The following SERPINA12 variants were observed in gnomAD, a reference collection of about 807,000 sequenced individuals.
SERPINA12 encodes serpin A12.
In SERPINA12, 21 loss-of-function variants were observed where a neutral mutation model predicts 25.9. The observed-to-expected ratio is 0.81, with a 90% confidence interval of 0.58 to 1.17. The LOEUF (loss-of-function observed/expected upper bound fraction) is 1.17. Among genes scored for constraint, SERPINA12 ranks in the 50% most tolerant of loss-of-function variants. SERPINA12 has a pLI of 0.00. For synonymous variants in SERPINA12, 220 were observed against 196.0 expected (o/e 1.12, Z -1.02); for missense variants, 562 against 508.3 (o/e 1.11, Z -1.02).
chr14:94,508,424 A>G lies in SERPINA12; in HGVS notation c.-34+918T>C, dbSNP rs1477929764. Among the ~76,000 whole-genome samples the G allele has an allele frequency of 2.0e-5, 3 of 152,230 alleles. No individual in the cohort carries two copies. The East Asian group carries it at 5.8e-4, about 29-fold the overall frequency. ...AGAAAATTTTTTTTTAATGGGAAGCATTCTGTAAATAGTAAAAAATTCAAG... is the reference window on the plus strand; with the variant it reads ...AGAAAATTTTTTTTTAATGGGAAGCGTTCTGTAAATAGTAAAAAATTCAAG... On this transcript the variant is annotated intron_variant, in intron 1 of 4. Coordinates refer to ENST00000677451, the MANE Select transcript of SERPINA12 (RefSeq NM_001382267.1).
At chr14:94,497,712 C>A in intron 2 of SERPINA12, 52 bp downstream of exon 2, 1 of 1,522,480 alleles carries the variant, frequency 6.6e-7, no homozygotes, top group South Asian at 1.3e-5. Context: ...GTTTTTAACC[C>A]AAGTCTAGTG....
upstream of SERPINA12, among the ~76,000 whole-genome samples, chr14:94,512,876 A>C (rs1901144455): frequency 6.6e-6 from 1 of 152,200 alleles, no homozygotes; most frequent in Non-Finnish European, 1.5e-5. Flanking sequence ...AAATTTGGGA[A>C]AACAGAGTGG....
intron 1 of SERPINA12, among the ~76,000 whole-genome samples, chr14:94,504,823 C>T (rs1279034753): frequency 2.0e-5 from 3 of 152,132 alleles, no homozygotes; most frequent in Non-Finnish European, 4.4e-5. Flanking sequence ...GTTGTCTCTG[C>T]CTCCCCCTTA....
In SERPINA12 at chr14:94,498,245, C is replaced by G; in HGVS notation, c.153G>C (p.Gln51His). Residue 51 changes from glutamine to histidine, a missense_variant, in exon 2 of 5, where the codon CAG becomes CAC. Physicochemically the swap from Gln to His is conservative, Grantham distance 24. Transcript: ENST00000677451. ...QRMAAKELAR[Q>H]NMDLGFKLLK... Reference sequence around the variant, plus strand: ...GCAGCTTAAAGCCTAAGTCCATGTTCTGCCTTGCAAGCTCCTTGGCTGCCA... The same window carrying G: ...GCAGCTTAAAGCCTAAGTCCATGTTGTGCCTTGCAAGCTCCTTGGCTGCCA... 1 of 1,614,192 alleles carries G rather than the reference C, an allele frequency of 6.2e-7. No homozygotes were observed. Among genetic ancestry groups the G allele is most frequent in the Non-Finnish European group, 8.5e-7 (1 of 1,180,030 alleles).
intron 1 of SERPINA12, among the ~76,000 whole-genome samples, chr14:94,500,550 G>T (rs964598950): frequency 6.6e-6 from 1 of 152,106 alleles, no homozygotes; most frequent in Non-Finnish European, 1.5e-5. Context: ...TTTAGGGAGG[G>T]GCATGTGGCT....
chr14:94,509,463 A>G lies in SERPINA12; in HGVS notation c.-155T>C, dbSNP rs912343961. Among the ~76,000 whole-genome samples, 5 of 152,086 alleles carry G rather than the reference A, an allele frequency of 3.3e-5. No homozygotes were observed. The highest frequency in any genetic ancestry group is 3.4e-3 in the Middle Eastern group (1 of 294). ...GTCCTGCAGCCTTCAGGTTCCAGGT[A>G]TGTTCCTCTAGGCTCCCAGCCCCAC... On this transcript the variant is annotated 5_prime_UTR_variant, in exon 1 of 5. Coordinates refer to ENST00000677451, the MANE Select transcript of SERPINA12 (RefSeq NM_001382267.1).
intron 3 of SERPINA12, among the ~76,000 whole-genome samples, chr14:94,490,769 C>T (rs1465221368): frequency 2.0e-5 from 3 of 152,126 alleles, no homozygotes; most frequent in South Asian, 2.1e-4. Context: ...CCAGAGTCAC[C>T]GTTGACAACC....
At chr14:94,517,047 G>A (rs1901254143) in intron 1 of SERPINA12, among the ~76,000 whole-genome samples, 1 of 152,260 alleles carries the variant, frequency 6.6e-6, no homozygotes, top group African/African-American at 2.4e-5. Flanking sequence ...CCATAAATGT[G>A]AACGAAACTG....
At chr14:94,502,328 G>A (rs564395488) in intron 1 of SERPINA12, among the ~76,000 whole-genome samples, 30 of 152,250 alleles carry the variant, frequency 2.0e-4, no homozygotes, top group African/African-American at 7.2e-4. Flanking sequence ...GATGGGAAGC[G>A]TCCGCACAGG....
intron 1 of SERPINA12, among the ~76,000 whole-genome samples, chr14:94,500,567 G>T (rs1241574728): frequency 6.6e-6 from 1 of 152,148 alleles, no homozygotes; most frequent in Non-Finnish European, 1.5e-5. Flanking sequence ...GGCTTAAGGG[G>T]TGCAATGAGG....
At chr14:94,493,825 G>A (rs1469680304) in intron 3 of SERPINA12, among the ~76,000 whole-genome samples, 1 of 152,234 alleles carries the variant, frequency 6.6e-6, no homozygotes, top group Non-Finnish European at 1.5e-5. Context: ...TCACTCTTGT[G>A]TAAAGGTGCA....
At chr14:94,498,451 G>A (rs1450141877) in intron 1 of SERPINA12, 21 bp from the exon 2 acceptor site, 7 of 1,562,184 alleles carry the variant, frequency 4.5e-6, no homozygotes, top group African/African-American at 4.1e-5. Context: ...CAGAAAAAAA[G>A]AACATGATAA....
chr14:94,500,046 G>C (rs1193622291), intron 1 of SERPINA12, among the ~76,000 whole-genome samples: 1 of 152,178 alleles, frequency 6.6e-6, no homozygotes, highest in African/African-American at 2.4e-5. Context: ...CCCATGCCTG[G>C]CTCTTTCTGG....
In SERPINA12 at chr14:94,489,777, T is replaced by G. The variant is rs1356180858; in HGVS notation, c.906-10A>C. ...AGACACGTCTACGACCCTGGGGAAT[T>G]GACACGACAAGGGTGAGTGGTCAAG... On this transcript the variant is annotated splice_polypyrimidine_tract_variant and intron_variant, in intron 3 of 4. Transcript: ENST00000677451. 34 of 1,613,360 alleles carry G rather than the reference T, an allele frequency of 2.1e-5. No homozygotes were observed. Among genetic ancestry groups the G allele is most frequent in the Non-Finnish European group, 2.7e-5 (32 of 1,179,588 alleles).
At chr14:94,516,610 C>T (rs1448912859) in intron 1 of SERPINA12, among the ~76,000 whole-genome samples, 1 of 152,232 alleles carries the variant, frequency 6.6e-6, no homozygotes, top group Admixed American at 6.5e-5. Flanking sequence ...ATACCTTTCT[C>T]TCGTAGCCAA....
At chr14:94,509,279 AACACACACACACACAC>A (rs3065835) in intron 1 of SERPINA12, among the ~76,000 whole-genome samples, 47 bp downstream of exon 1, 41 of 134,726 alleles carry the variant, frequency 3.0e-4, no homozygotes, top group East Asian at 2.2e-3. Context: ...AGAAACAGAC[AACACACACACACACAC>A]ACACACACAC....
chr14:94,508,099 G>C (rs570487379), intron 1 of SERPINA12, among the ~76,000 whole-genome samples: 53 of 152,350 alleles, frequency 3.5e-4, no homozygotes, highest in African/African-American at 1.2e-3. Flanking sequence ...CAGTGACCAA[G>C]AGTGTGAAAC....
In SERPINA12 at chr14:94,498,434, A is replaced by G. The variant is rs747593901; in HGVS notation, c.-33-4T>C. ...AATATCCTGTTGAGTAGTAGACCTG[A>G]GGTCAGCAGAAAAAAAGAACATGAT... On this transcript the variant is annotated splice_region_variant and splice_polypyrimidine_tract_variant and intron_variant, in intron 1 of 4. Transcript: ENST00000677451. 13 of 1,584,862 alleles carry G rather than the reference A, an allele frequency of 8.2e-6. No individual in the cohort carries two copies. Among genetic ancestry groups the G allele is most frequent in the Non-Finnish European group, 1.1e-5 (13 of 1,167,256 alleles).
chr14:94,487,506 A>G lies in SERPINA12; in HGVS notation c.1054-12T>C. 1 of 1,594,596 alleles carries G rather than the reference A, an allele frequency of 6.3e-7. No individual in the cohort carries two copies. Among genetic ancestry groups the G allele is most frequent in the Middle Eastern group, 1.8e-4 (1 of 5,492 alleles). On this transcript the variant is annotated splice_polypyrimidine_tract_variant and intron_variant, in intron 4 of 4. Transcript: ENST00000677451. ...GCCTTGTGCACAGCCTACGGAAGCC[A>G]AGGGCAAAGTCAAGGTCTGCCAAGC...
Sources: allele counts gnomAD v4.1 joint callset (sites outside exome capture counted in the v4.1 genomes callset), GRCh38; gene constraint gnomAD v4.1.1; transcripts MANE v1.5; gene names NCBI Gene and HGNC (gene_info 2026-07-23, HGNC 2026-07-21).